SPTAN1: variants seen among roughly 807,000 people sequenced by gnomAD.
SPTAN1 encodes the protein spectrin alpha chain, non-erythrocytic 1.
A neutral mutation model predicts 331.3 loss-of-function variants in SPTAN1; 61 were observed. The observed-to-expected ratio is 0.18, with a 90% confidence interval of 0.15 to 0.23. The LOEUF (loss-of-function observed/expected upper bound fraction) is 0.23, where lower values mean the gene tolerates loss of function less well. SPTAN1 is among the 10% of genes least tolerant of loss of function. The pLI, the probability that SPTAN1 is intolerant of heterozygous loss-of-function variation, is 1.00. For synonymous variants in SPTAN1, 1,153 were observed against 1,173.9 expected (o/e 0.98, Z 0.36); for missense variants, 2,043 against 3,147.9 (o/e 0.65, Z 8.40).
intron 51 of SPTAN1, chr9:128,628,504 T>C (rs1306804381): frequency 3.3e-6 from 1 of 305,466 alleles, no homozygotes; most frequent in Non-Finnish European, 6.5e-6. Context: ...ATGCACCCGT[T>C]ATGTGATAGA....
intron 1 of SPTAN1, among the ~76,000 whole-genome samples, chr9:128,557,993 CGG>C (rs889730762): frequency 1.3e-4 from 19 of 151,806 alleles, no homozygotes; most frequent in Middle Eastern, 3.2e-3. Flanking sequence ...TTAGTAGAGA[CGG>C]GGTTTCACCG....
In SPTAN1 at chr9:128,633,374, C is replaced by T. The variant is rs563948453; in HGVS notation, c.*40C>T. On this transcript the variant is annotated 3_prime_UTR_variant, in exon 57 of 57. Transcript: ENST00000372739. Reference sequence around the variant, plus strand: ...CACCCACCCCTCGCTGCTTGCCCTGCGTCGCCTTGCTGCATGTCCGCTCCT... The same window carrying T: ...CACCCACCCCTCGCTGCTTGCCCTGTGTCGCCTTGCTGCATGTCCGCTCCT... 4.3e-5 allele frequency: 69 copies of T among 1,612,846 alleles called. No homozygotes were observed. In the Admixed American group the frequency reaches 4.5e-4, roughly 11 times the overall value.
At chr9:128,607,306 C>T (rs1239187351) in intron 31 of SPTAN1, among the ~76,000 whole-genome samples, 1 of 152,048 alleles carries the variant, frequency 6.6e-6, no homozygotes, top group Non-Finnish European at 1.5e-5. Flanking sequence ...GCCTGGCCAA[C>T]AAAAGCTTTT....
intron 9 of SPTAN1, among the ~76,000 whole-genome samples, chr9:128,579,064 T>C (rs1156606740): frequency 6.6e-6 from 1 of 152,096 alleles, no homozygotes; most frequent in African/African-American, 2.4e-5. Flanking sequence ...AAATAAAAAC[T>C]GAATAGATAG....
chr9:128,553,471 A>G (rs1848347214), intron 1 of SPTAN1: 2 of 152,220 alleles, frequency 1.3e-5, no homozygotes, highest in Non-Finnish European at 2.9e-5. Flanking sequence ...GTCGAGATAC[A>G]GTGTCAAAAA....
rs1345485807 is a variant in SPTAN1, at chr9:128,626,666, G to C, written c.6555G>C (p.Arg2185Ser). ...FTMEALEETWRNLQKIIKERE... is the reference protein window; with the variant it reads ...FTMEALEETWSNLQKIIKERE... ...TGGAGGCCCTGGAGGAGACCTGGAG[G>C]AACCTACAGAAAATCATCAAGGTAC... The change falls in exon 49 of 57, where the codon AGG (arginine) becomes AGC (serine). Residue 2185 changes from arginine (R) to serine (S), a missense_variant. This residue lies in a region of SPTAN1 where 256 missense variants were observed against 376.4 expected (regional missense o/e 0.68). Transcript: ENST00000372739. 1 of 1,611,794 alleles carries C rather than the reference G, an allele frequency of 6.2e-7. No homozygotes were observed. The highest frequency in any genetic ancestry group is 1.1e-5 in the South Asian group (1 of 90,820).
At chr9:128,618,834 G>A in intron 43 of SPTAN1, 37 bp from the exon 44 acceptor site, 1 of 1,614,104 alleles carries the variant, frequency 6.2e-7, no homozygotes, top group African/African-American at 1.3e-5. Flanking sequence ...AGCTGGAGGA[G>A]ATTATGGCTG....
chr9:128,586,136 T>TTTC lies in SPTAN1; in HGVS notation c.2778+172_2778+173insTCT, dbSNP rs1231839194. ...GGTTTTTTTTTTTTTTTTTTTTTTTTTGGAGACAGAGTCTCACTCTTGCCC... is the reference window on the plus strand; with the variant it reads ...GGTTTTTTTTTTTTTTTTTTTTTTTTTTCTGGAGACAGAGTCTCACTCTTGCCC... On this transcript the variant is annotated intron_variant, in intron 19 of 56. Coordinates refer to ENST00000372739, the MANE Select transcript of SPTAN1 (RefSeq NM_001130438.3). 7.5e-5 allele frequency among the ~76,000 whole-genome samples: 10 copies of TTTC among 133,890 alleles called. No individual in the cohort carries two copies. The East Asian group carries it at 1.4e-3, about 19-fold the overall frequency. The allele number at this position is 133,890 out of a possible 152,430, so 87.8% of individuals were successfully genotyped here.
At chr9:128,555,382 C>A (rs1236628157) in intron 1 of SPTAN1, 3 of 1,289,464 alleles carry the variant, frequency 2.3e-6, no homozygotes, top group Non-Finnish European at 3.0e-6. Flanking sequence ...GTCATCGTTT[C>A]GTAAACGCAG....
intron 41 of SPTAN1, among the ~76,000 whole-genome samples, chr9:128,616,493 G>A (rs1040485243): frequency 7.9e-5 from 12 of 151,636 alleles, no homozygotes; most frequent in Middle Eastern, 3.4e-3. Flanking sequence ...GTGGCCGGGC[G>A]CAGTGGCTCA....
intron 34 of SPTAN1, 22 bp downstream of exon 34, chr9:128,608,298 G>T: frequency 1.2e-6 from 2 of 1,613,958 alleles, no homozygotes; most frequent in Non-Finnish European, 1.7e-6. Flanking sequence ...GGACCATGGA[G>T]TTGGAGTCTG....
chr9:128,575,138 T>C, intron 4 of SPTAN1, 61 bp from the exon 5 acceptor site: 1 of 1,607,904 alleles, frequency 6.2e-7, no homozygotes, highest in Non-Finnish European at 8.5e-7. Context: ...TTGATGTTTC[T>C]GGAAGCCATT....
At chr9:128,572,943 G>A (rs921058931) in intron 3 of SPTAN1, among the ~76,000 whole-genome samples, 5 of 152,192 alleles carry the variant, frequency 3.3e-5, no homozygotes, top group African/African-American at 7.2e-5. Flanking sequence ...GTGTGAGCAT[G>A]TATTCCTCTG....
intron 1 of SPTAN1, among the ~76,000 whole-genome samples, chr9:128,560,440 G>A (rs1368615909): frequency 6.6e-6 from 1 of 151,338 alleles, no homozygotes; most frequent in Non-Finnish European, 1.5e-5. Flanking sequence ...GAGTGCAGGG[G>A]CTTGATCTCA....
At position 128,624,384 on chromosome 9, in the gene SPTAN1, G is replaced by A; in HGVS notation, c.5889G>A (p.Val1963=). Residue 1963 remains valine (V), a synonymous_variant, in exon 46 of 57, where the codon GTG becomes GTA. Transcript: ENST00000372739. The part of the protein sequence containing the change: ...SSKMKGLNGK[V]SDLEKAAAQR... ...AGATGAAGGGCCTGAACGGGAAAGT[G>A]TCAGACCTGGAGAAAGCTGCAGCCC... The A allele has an allele frequency of 2.5e-6, 4 of 1,614,060 alleles. No individual in the cohort carries two copies. Among genetic ancestry groups the A allele is most frequent in the East Asian group, 4.5e-5 (2 of 44,876 alleles).
intron 17 of SPTAN1, 83 bp from the exon 18 acceptor site, chr9:128,584,638 C>T: frequency 6.2e-7 from 1 of 1,614,020 alleles, no homozygotes; most frequent in Non-Finnish European, 8.5e-7. Flanking sequence ...TGAACTGGAA[C>T]CATGGTGGTA....
At chr9:128,581,955 T>C in intron 12 of SPTAN1, 63 bp downstream of exon 12, 1 of 1,234,608 alleles carries the variant, frequency 8.1e-7, no homozygotes, top group Non-Finnish European at 1.2e-6. Context: ...TCTTTTTCCC[T>C]GGAAGGATTC....
intron 1 of SPTAN1, among the ~76,000 whole-genome samples, chr9:128,555,825 G>A (rs1288600590): frequency 2.6e-5 from 4 of 152,072 alleles, no homozygotes; most frequent in Non-Finnish European, 5.9e-5. Context: ...TAAAAATTGT[G>A]TTTTTAAAAT....
rs200243332 is a variant in SPTAN1, at chr9:128,577,180, C to G, written c.837C>G (p.Ala279=). Residue 279 remains alanine (A), a synonymous_variant, in exon 7 of 57, where the codon GCC becomes GCG. Transcript: ENST00000372739. This position sits in a 1 kb window ranked among gnomAD's most constrained non-coding sequence, Gnocchi z 4.2. ...TTAAGGAAAAGGAGCAGTTAATGGC[C>G]TCTGATGATTTTGGCCGAGACCTGG... ...SWIKEKEQLM[A]SDDFGRDLAS... 1 of 1,614,126 alleles carries G rather than the reference C, an allele frequency of 6.2e-7. No homozygotes were observed. The highest frequency in any genetic ancestry group is 1.1e-5 in the South Asian group (1 of 91,082).
Sources: allele counts gnomAD v4.1 joint callset (sites outside exome capture counted in the v4.1 genomes callset), GRCh38; gene constraint gnomAD v4.1.1; regional missense constraint gnomAD v4.1.1; non-coding constraint Gnocchi (gnomAD v3.1); transcripts MANE v1.5; gene names NCBI Gene and HGNC (gene_info 2026-07-23, HGNC 2026-07-21).